HDAC4: variants seen among roughly 807,000 people sequenced by gnomAD.
HDAC4 encodes the protein histone deacetylase 4.
HDAC4 carries 16 observed loss-of-function variants against 135.1 expected under a neutral mutation model. The observed-to-expected ratio is 0.12, with a 90% CI of 0.08 to 0.18. The LOEUF (loss-of-function observed/expected upper bound fraction) is 0.18. Ranked by LOEUF, HDAC4 falls within the 10% of genes least tolerant of loss-of-function variation. The pLI, the probability that HDAC4 is intolerant of heterozygous loss-of-function variation, is 1.00. For missense variants in HDAC4, 1,143 were observed against 1,511.8 expected (o/e 0.76, Z 4.05); for synonymous variants, 685 against 653.4 (o/e 1.05, Z -0.74).
intron 3 of HDAC4, among the ~76,000 whole-genome samples, chr2:239,207,838 C>G (rs2046130507): frequency 6.6e-6 from 1 of 152,150 alleles, no homozygotes; most frequent in African/African-American, 2.4e-5. Flanking sequence ...AGGCAGGATC[C>G]TGAGCCAATC....
At chr2:239,247,184 G>C (rs555315075) in intron 2 of HDAC4, among the ~76,000 whole-genome samples, 1 of 152,318 alleles carries the variant, frequency 6.6e-6, no homozygotes, top group South Asian at 2.1e-4. Flanking sequence ...CCGCACAGCC[G>C]GGCAAACCAA....
At chr2:239,279,261 G>A (rs2050571370) in intron 2 of HDAC4, among the ~76,000 whole-genome samples, 1 of 152,248 alleles carries the variant, frequency 6.6e-6, no homozygotes, top group Non-Finnish European at 1.5e-5. Flanking sequence ...GCCTGACCAG[G>A]AGATGCTCAC....
chr2:239,380,735 G>A (rs1207254825), intron 1 of HDAC4, among the ~76,000 whole-genome samples: 4 of 152,016 alleles, frequency 2.6e-5, no homozygotes, highest in African/African-American at 7.2e-5. Context: ...TTTAAAAGCC[G>A]GAAACACACA....
intron 1 of HDAC4, among the ~76,000 whole-genome samples, chr2:239,355,675 C>G (rs192995766): frequency 1.2e-3 from 188 of 152,204 alleles, no homozygotes; most frequent in African/African-American, 4.2e-3. Context: ...TCTGGGATAC[C>G]CTTTTTTTGA....
chr2:239,124,544 G>A (rs913666930), intron 12 of HDAC4, among the ~76,000 whole-genome samples: 17 of 133,464 alleles, frequency 1.3e-4, no homozygotes, highest in East Asian at 7.4e-4. Context: ...GTGGCCGTGC[G>A]TCATTCCACG....
At chr2:239,187,872 C>T (rs3828222) in intron 4 of HDAC4, among the ~76,000 whole-genome samples, 27,849 of 152,164 alleles carry the variant, frequency 0.18, 2,926 homozygotes, top group East Asian at 0.32. Context: ...GCTGCTAGGT[C>T]GCTCTGAAAT....
chr2:239,158,353 GAGT>G, intron 6 of HDAC4, among the ~76,000 whole-genome samples: 1 of 152,162 alleles, frequency 6.6e-6, no homozygotes, highest in East Asian at 1.9e-4. Flanking sequence ...TGCATCCCAC[GAGT>G]TAAAAAGATC....
At chr2:239,275,080 A>C (rs1314638564) in intron 2 of HDAC4, among the ~76,000 whole-genome samples, 2 of 152,250 alleles carry the variant, frequency 1.3e-5, no homozygotes, top group Non-Finnish European at 2.9e-5. Context: ...ACACGTAGGA[A>C]GCCAGCACAC....
At chr2:239,316,556 T>A (rs890978220) in intron 2 of HDAC4, among the ~76,000 whole-genome samples, 15 of 152,206 alleles carry the variant, frequency 9.9e-5, no homozygotes, top group African/African-American at 7.2e-5. Context: ...TGTAGTGAGC[T>A]GTGATTCTAC....
chr2:239,207,889 A>G (rs958615115), intron 3 of HDAC4, among the ~76,000 whole-genome samples: 1 of 152,180 alleles, frequency 6.6e-6, no homozygotes, highest in Non-Finnish European at 1.5e-5. Flanking sequence ...AGAACTGGGC[A>G]AAGTATAAAA....
chr2:239,144,743 C>T, intron 7 of HDAC4, 29 bp from the exon 8 acceptor site: 1 of 1,613,062 alleles, frequency 6.2e-7, no homozygotes, highest in East Asian at 2.2e-5. Flanking sequence ...TCATTACAGC[C>T]AGGCAGACAC....
intron 5 of HDAC4, among the ~76,000 whole-genome samples, chr2:239,166,028 A>G (rs749259297): frequency 1.1e-4 from 17 of 152,240 alleles, no homozygotes; most frequent in Non-Finnish European, 1.8e-4. Flanking sequence ...CCAACTGCTA[A>G]TAAATGATTA....
intron 5 of HDAC4, among the ~76,000 whole-genome samples, chr2:239,169,326 C>T (rs563763583): frequency 1.3e-5 from 2 of 152,336 alleles, no homozygotes; most frequent in East Asian, 3.9e-4. Context: ...AGTGCTTGGG[C>T]CCGTGGCGCA....
At chr2:239,358,597 C>T (rs779710157) in intron 1 of HDAC4, among the ~76,000 whole-genome samples, 10 of 152,130 alleles carry the variant, frequency 6.6e-5, no homozygotes, top group African/African-American at 2.2e-4. Flanking sequence ...GCAGGCAGCG[C>T]GCGTAGGGAC....
In HDAC4 at chr2:239,240,561, C is replaced by G. The variant is rs1238490270; in HGVS notation, c.23-3897G>C. Among the ~76,000 whole-genome samples the G allele has an allele frequency of 6.6e-6, 1 of 152,188 alleles. No homozygotes were observed. The highest frequency in any genetic ancestry group is 6.5e-5 in the Admixed American group (1 of 15,284). On this transcript the variant is annotated intron_variant, in intron 2 of 26. Coordinates refer to ENST00000543185, the MANE Select transcript of HDAC4 (RefSeq NM_001378414.1). This position sits in a 1 kb window ranked among gnomAD's most constrained non-coding sequence, Gnocchi z 4.5. ...TTCCTCATCACACGCCTGCTGCAAGCAGGTTCCCCCTTATCTGTCTCCGCT... is the reference window on the plus strand; with the variant it reads ...TTCCTCATCACACGCCTGCTGCAAGGAGGTTCCCCCTTATCTGTCTCCGCT...
intron 2 of HDAC4, among the ~76,000 whole-genome samples, chr2:239,249,567 A>G (rs2124922394): frequency 6.6e-6 from 1 of 152,258 alleles, no homozygotes. Context: ...TTGAATCATT[A>G]CTTTGTGACT....
intron 26 of HDAC4, 56 bp from the exon 27 acceptor site, chr2:239,053,192 G>A: frequency 6.2e-7 from 1 of 1,604,058 alleles, no homozygotes; most frequent in Non-Finnish European, 8.5e-7. Context: ...ACCACAGAGA[G>A]GAGAGAACAG....
intron 4 of HDAC4, among the ~76,000 whole-genome samples, chr2:239,184,584 CG>C (rs535314292): frequency 2.7e-4 from 10 of 36,928 alleles, no homozygotes; most frequent in Admixed American, 6.8e-4. Flanking sequence ...TGTGCCCTAT[CG>C]GGGGGGGTCC....
At chr2:239,150,019 G>T (rs899096159) in intron 7 of HDAC4, among the ~76,000 whole-genome samples, 1 of 152,174 alleles carries the variant, frequency 6.6e-6, no homozygotes, top group Non-Finnish European at 1.5e-5. Context: ...TGGCAAAATG[G>T]TAACCAGAAA....
Sources: gnomAD v4.1 joint callset for allele counts (sites outside exome capture counted in the v4.1 genomes callset) on GRCh38, gnomAD v4.1.1 for gene constraint, Gnocchi (gnomAD v3.1) non-coding constraint, MANE v1.5 for transcripts, NCBI Gene and HGNC (gene_info 2026-07-23, HGNC 2026-07-21) for gene names.